Variants in KCNIP4 observed in about 807,000 individuals in gnomAD.
KCNIP4 encodes potassium voltage-gated channel interacting protein 4, also known as Kv channel-interacting protein 4.
In KCNIP4, 12 loss-of-function variants were observed where a neutral mutation model predicts 34.0. That is an observed-to-expected ratio of 0.35 (90% CI 0.23 to 0.57). KCNIP4 has a LOEUF of 0.57. Among genes scored for constraint, KCNIP4 ranks in the 20% least tolerant of loss-of-function variants. KCNIP4 has a pLI of 0.83. For synonymous variants in KCNIP4, 124 were observed against 102.2 expected (o/e 1.21, Z -1.29); for missense variants, 238 against 311.7 (o/e 0.76, Z 1.78).
intron 1 of KCNIP4, among the ~76,000 whole-genome samples, chr4:20,892,635 T>A: frequency 6.6e-6 from 1 of 152,218 alleles, no homozygotes; most frequent in East Asian, 1.9e-4. Flanking sequence ...GTGTTGACTG[T>A]GTTCTTAACA....
intron 1 of KCNIP4, among the ~76,000 whole-genome samples, chr4:21,665,976 C>T (rs1203159348): frequency 2.0e-5 from 3 of 152,150 alleles, no homozygotes; most frequent in Admixed American, 2.0e-4. Context: ...GAAAACATAA[C>T]AAGAAATATA....
chr4:21,911,735 C>G (rs1728346455), intron 1 of KCNIP4, among the ~76,000 whole-genome samples: 1 of 151,630 alleles, frequency 6.6e-6, no homozygotes. Context: ...GTACTTGGTG[C>G]TTGGTCCCAT....
chr4:21,110,725 C>T (rs1420318324), intron 1 of KCNIP4, among the ~76,000 whole-genome samples: 1 of 152,144 alleles, frequency 6.6e-6, no homozygotes, highest in African/African-American at 2.4e-5. Flanking sequence ...TACCCTTATA[C>T]AGGAAATGTG....
At chr4:21,180,568 GTT>G (rs1291301095) in intron 1 of KCNIP4, among the ~76,000 whole-genome samples, 1 of 151,626 alleles carries the variant, frequency 6.6e-6, no homozygotes, top group Non-Finnish European at 1.5e-5. Flanking sequence ...TTTACAGATA[GTT>G]TCTTTCTTTC....
At chr4:21,039,803 A>G (rs1741791036) in intron 1 of KCNIP4, among the ~76,000 whole-genome samples, 1 of 152,208 alleles carries the variant, frequency 6.6e-6, no homozygotes, top group African/African-American at 2.4e-5. Flanking sequence ...TCATTTAATT[A>G]ATTAATAGAT....
At chr4:20,850,360 A>G in intron 3 of KCNIP4, 183 bp downstream of exon 3, 2 of 583,708 alleles carry the variant, frequency 3.4e-6, no homozygotes, top group South Asian at 2.9e-5. Context: ...GTATGCCAGC[A>G]TGGGTGTGCC....
At chr4:21,763,587 G>A (rs542322642) in intron 1 of KCNIP4, among the ~76,000 whole-genome samples, 2 of 152,212 alleles carry the variant, frequency 1.3e-5, no homozygotes, top group South Asian at 4.1e-4. Context: ...GCAATGGTAG[G>A]TATATAATAG....
At chr4:21,648,920 C>T (rs975891704) in intron 1 of KCNIP4, among the ~76,000 whole-genome samples, 2 of 152,010 alleles carry the variant, frequency 1.3e-5, no homozygotes, top group Admixed American at 6.6e-5. Context: ...TACTCCTGTC[C>T]CTCCTGTTTG....
intron 2 of KCNIP4, among the ~76,000 whole-genome samples, chr4:20,865,572 T>C (rs1028631634): frequency 2.0e-5 from 3 of 152,020 alleles, no homozygotes. Context: ...TGAATGAACC[T>C]GGAGGACCTT....
At chr4:20,759,137 AAC>A (rs1447457267) in intron 3 of KCNIP4, among the ~76,000 whole-genome samples, 2 of 152,240 alleles carry the variant, frequency 1.3e-5, no homozygotes, top group Non-Finnish European at 2.9e-5. Flanking sequence ...TGTATTCAGA[AAC>A]ACAGTGCTGC....
At chr4:21,117,309 G>A (rs913114155) in intron 1 of KCNIP4, among the ~76,000 whole-genome samples, 22 of 130,464 alleles carry the variant, frequency 1.7e-4, no homozygotes, top group African/African-American at 6.0e-4. Context: ...CCGGGGGGGG[G>A]GGGGGGGGGG....
At chr4:21,826,110 G>C (rs79235955) in intron 1 of KCNIP4, among the ~76,000 whole-genome samples, 14,917 of 152,172 alleles carry the variant, frequency 0.098, 879 homozygotes, top group Non-Finnish European at 0.13. Flanking sequence ...AGTGCTAAGG[G>C]ATAAGGTTAG....
At chr4:21,710,655 AG>A (rs1460457955) in intron 1 of KCNIP4, among the ~76,000 whole-genome samples, 1 of 152,198 alleles carries the variant, frequency 6.6e-6, no homozygotes, top group African/African-American at 2.4e-5. Flanking sequence ...CAGTGGAATG[AG>A]CCCTGGACTG....
chr4:20,999,438 GTTTTTT>G (rs56952036), intron 1 of KCNIP4, among the ~76,000 whole-genome samples: 1 of 45,530 alleles, frequency 2.2e-5, no homozygotes, highest in African/African-American at 9.2e-5. Flanking sequence ...TTTGTTTTTT[GTTTTTT>G]TTTTTTTTTT....
chr4:20,842,581 C>CAAAAAAAAAAAAAAAAAAAAAAA (rs59134256), intron 3 of KCNIP4, among the ~76,000 whole-genome samples: 4 of 69,688 alleles, frequency 5.7e-5, no homozygotes, highest in African/African-American at 2.3e-4. Flanking sequence ...CTTCTAATGG[C>CAAAAAAAAAAAAAAAAAAAAAAA]AAAAAAAAAA....
intron 4 of KCNIP4, among the ~76,000 whole-genome samples, chr4:20,755,036 CATT>C (rs1754266848): frequency 1.3e-5 from 2 of 152,076 alleles, no homozygotes; most frequent in Non-Finnish European, 2.9e-5. Flanking sequence ...ATTAATCTCT[CATT>C]AATGCAGACA....
rs531981885 is a variant in KCNIP4 at position 21,489,699 on chromosome 4, G to GTGA, written c.61+458869_61+458871dup. ...AGTTCCATCTTTGGAAATTGCTTTA[G>GTGA]TGATACAAAGGACTGGAGGGTAGAT... On this transcript the variant is annotated intron_variant, in intron 1 of 8. Transcript: ENST00000382152. Among the ~76,000 whole-genome samples, 382 of 152,092 alleles carry GTGA rather than the reference G, an allele frequency of 2.5e-3. 13 individuals are homozygous for GTGA. In the South Asian group the frequency reaches 0.045, roughly 18 times the overall value.
intron 1 of KCNIP4, among the ~76,000 whole-genome samples, chr4:21,422,254 G>A (rs1395044760): frequency 6.7e-6 from 1 of 149,628 alleles, no homozygotes; most frequent in Non-Finnish European, 1.5e-5. Flanking sequence ...GGAGTGCAGT[G>A]CAGTGGCTCA....
chr4:21,292,200 C>G (rs193021485), intron 1 of KCNIP4, among the ~76,000 whole-genome samples: 398 of 152,240 alleles, frequency 2.6e-3, no homozygotes, highest in Non-Finnish European at 5.0e-3. Flanking sequence ...ATCGATAGTA[C>G]AAAATTGCAG....
Sources: gnomAD v4.1 joint callset for allele counts (sites outside exome capture counted in the v4.1 genomes callset) on GRCh38, gnomAD v4.1.1 for gene constraint, MANE v1.5 for transcripts, NCBI Gene and HGNC (gene_info 2026-07-23, HGNC 2026-07-21) for gene names.